Variants in ZZEF1 observed in about 807,000 individuals in gnomAD.
ZZEF1 encodes zinc finger ZZ-type and EF-hand domain-containing protein 1.
A neutral mutation model predicts 342.8 loss-of-function variants in ZZEF1; 157 were observed. That is an observed-to-expected ratio of 0.46 (90% CI 0.40 to 0.52). The LOEUF is 0.52. ZZEF1 is among the 20% of genes least tolerant of loss of function. ZZEF1 has a pLI of 0.00. For missense variants in ZZEF1, 3,480 were observed against 3,725.6 expected (o/e 0.93, Z 1.72); for synonymous variants, 1,505 against 1,429.1 (o/e 1.05, Z -1.20).
intron 45 of ZZEF1, 66 bp from the exon 46 acceptor site, chr17:4,019,835 G>T (rs2290438): frequency 0.18 from 216,799 of 1,229,688 alleles, 20,284 homozygotes; most frequent in Middle Eastern, 0.21. Flanking sequence ...TTGATCAACT[G>T]AACTCAAAAC....
chr17:4,078,112 T>C lies in ZZEF1; in HGVS notation c.2830-70A>G, dbSNP rs1275675960. On this transcript the variant is annotated intron_variant, in intron 18 of 54. Coordinates refer to ENST00000381638, the MANE Select transcript of ZZEF1 (RefSeq NM_015113.4). ...TCACAGAGCATAGCCAAGGGCATCCTCTAAAGCAGCAGCTGTCACCAGCAA... is the reference window on the plus strand; with the variant it reads ...TCACAGAGCATAGCCAAGGGCATCCCCTAAAGCAGCAGCTGTCACCAGCAA... The C allele has an allele frequency of 2.0e-6, 3 of 1,491,634 alleles. No individual in the cohort carries two copies. The East Asian group carries it at 6.9e-5, about 35-fold the overall frequency. The allele number at this position is 1,491,634 out of a possible 1,614,324, so 92.4% of individuals were successfully genotyped here.
chr17:4,102,486 T>A, intron 8 of ZZEF1, 71 bp from the exon 9 acceptor site: 1 of 1,344,718 alleles, frequency 7.4e-7, no homozygotes, highest in East Asian at 2.3e-5. Flanking sequence ...TGCCTATCTG[T>A]GGAAATAGAG....
In ZZEF1 at chr17:4,058,161, G is replaced by C; in HGVS notation, c.5004-6C>G. The C allele has an allele frequency of 6.2e-7, 1 of 1,610,224 alleles. No individual in the cohort carries two copies. The highest frequency in any genetic ancestry group is 8.5e-7 in the Non-Finnish European group (1 of 1,178,030). Reference sequence around the variant, plus strand: ...ATAAGGCAGGGAGCAAGGACCTAAAGGGCCATGAAAGTGACCATTAGCAGA... The same window carrying C: ...ATAAGGCAGGGAGCAAGGACCTAAACGGCCATGAAAGTGACCATTAGCAGA... On this transcript the variant is annotated splice_region_variant and splice_polypyrimidine_tract_variant and intron_variant, in intron 31 of 54. Coordinates refer to ENST00000381638, the MANE Select transcript of ZZEF1 (RefSeq NM_015113.4).
intron 1 of ZZEF1, among the ~76,000 whole-genome samples, chr17:4,138,968 T>C (rs55648338): frequency 6.6e-6 from 1 of 150,944 alleles, no homozygotes. Context: ...CTTTGGTCCA[T>C]GGTCCAACTC....
At position 4,072,621 on chromosome 17, in the gene ZZEF1, C is replaced by T. The variant is rs753880645; in HGVS notation, c.3821G>A (p.Arg1274Gln). 12 of 1,611,406 alleles carry T rather than the reference C, an allele frequency of 7.4e-6. No individual in the cohort carries two copies. Among genetic ancestry groups the T allele is most frequent in the South Asian group, 1.1e-5 (1 of 90,462 alleles). Reference sequence around the variant, plus strand: ...AAGAGTAAATACCTCCTTACTATTCCGGTGTGGGTGAGTGGGCCAGCTTGC... The same window carrying T: ...AAGAGTAAATACCTCCTTACTATTCTGGTGTGGGTGAGTGGGCCAGCTTGC... ...LEASWPTHPH[R>Q]NSKEVKNIPD... Residue 1274 changes from arginine (R) to glutamine (Q), a missense_variant, in exon 25 of 55, where the codon CGG (arginine) becomes CAG (glutamine). By Grantham distance (43) the Arg-to-Gln change is conservative (BLOSUM62 1). Around this residue, in one of 5 missense-constraint regions of ZZEF1, gnomAD observed 1,528 missense variants for 1,624.1 expected, o/e 0.94. Coordinates refer to ENST00000381638, the MANE Select transcript of ZZEF1 (RefSeq NM_015113.4).
chr17:4,026,980 A>G (rs2459497), intron 42 of ZZEF1, among the ~76,000 whole-genome samples: 12,843 of 152,222 alleles, frequency 0.084, 1,809 homozygotes, highest in African/African-American at 0.29. Flanking sequence ...AATAATGTTC[A>G]GCGCAGTTTT....
At chr17:4,084,596 G>C (rs531402259) in intron 16 of ZZEF1, among the ~76,000 whole-genome samples, 1 of 152,292 alleles carries the variant, frequency 6.6e-6, no homozygotes, top group South Asian at 2.1e-4. Flanking sequence ...ATATGGCCTA[G>C]AGAGAAAAAG....
intron 21 of ZZEF1, among the ~76,000 whole-genome samples, chr17:4,075,789 T>C (rs2057600911): frequency 6.7e-6 from 1 of 149,508 alleles, no homozygotes; most frequent in African/African-American, 2.5e-5. Context: ...CAAATCTGGA[T>C]CTACTCTCCC....
At chr17:4,007,051 C>A in intron 54 of ZZEF1, 81 bp from the exon 55 acceptor site, 1 of 1,289,954 alleles carries the variant, frequency 7.8e-7, no homozygotes. Context: ...CTCAGCTGAG[C>A]ACTGAGGATG....
At position 4,044,338 on chromosome 17, in the gene ZZEF1, C is replaced by T; in HGVS notation, c.6052G>A (p.Asp2018Asn). The change falls in exon 38 of 55, where the codon GAT becomes AAT. Residue 2018 changes from aspartate to asparagine, a missense_variant. Coordinates refer to ENST00000381638, the MANE Select transcript of ZZEF1 (RefSeq NM_015113.4). ...RAVHEEIRPV[D>N]FKQRNKADKG... ...TCTGCCTTATTTCTCTGCTTGAAATCTACAGGTCTGATTTCCTCATGAACA... is the reference window on the plus strand; with the variant it reads ...TCTGCCTTATTTCTCTGCTTGAAATTTACAGGTCTGATTTCCTCATGAACA... The T allele has an allele frequency of 1.9e-6, 3 of 1,614,010 alleles. No individual in the cohort carries two copies. In the South Asian group the frequency reaches 3.3e-5, roughly 18 times the overall value.
chr17:4,035,751 C>T (rs186447811), intron 39 of ZZEF1, among the ~76,000 whole-genome samples: 5 of 152,286 alleles, frequency 3.3e-5, no homozygotes, highest in Admixed American at 2.0e-4. Context: ...CAGCCTGTTG[C>T]GGGTGAGGGT....
intron 26 of ZZEF1, among the ~76,000 whole-genome samples, chr17:4,068,697 T>A (rs1232128012): frequency 6.6e-6 from 1 of 152,126 alleles, no homozygotes; most frequent in Non-Finnish European, 1.5e-5. Context: ...TGCATCTATG[T>A]TACAATGCAG....
At chr17:4,110,569 C>T (rs867452248) in intron 5 of ZZEF1, among the ~76,000 whole-genome samples, 4 of 152,264 alleles carry the variant, frequency 2.6e-5, no homozygotes, top group African/African-American at 9.6e-5. Flanking sequence ...AGCATTCCGG[C>T]TCCCTGAACG....
At chr17:4,137,374 G>A (rs1459517711) in intron 1 of ZZEF1, among the ~76,000 whole-genome samples, 1 of 152,180 alleles carries the variant, frequency 6.6e-6, no homozygotes, top group Non-Finnish European at 1.5e-5. Flanking sequence ...ACTTTGGGAG[G>A]CCGAGGTGGG....
Position 4,123,592 on chromosome 17 carries a change from T to C in ZZEF1, c.499+315A>G, listed in dbSNP as rs561411359. 2.6e-5 allele frequency among the ~76,000 whole-genome samples: 4 copies of C among 152,078 alleles called. No homozygotes were observed. The East Asian group carries it at 7.7e-4, about 29-fold the overall frequency. On this transcript the variant is annotated intron_variant, in intron 2 of 54. Coordinates refer to ENST00000381638, the MANE Select transcript of ZZEF1 (RefSeq NM_015113.4). Reference sequence around the variant, plus strand: ...GAATTGATCAATTACAATGGTAATATGTTGCAAAAAAGAATGCAGGATGCT... The same window carrying C: ...GAATTGATCAATTACAATGGTAATACGTTGCAAAAAAGAATGCAGGATGCT...
At chr17:4,018,723 C>G (rs1385755127) in intron 46 of ZZEF1, among the ~76,000 whole-genome samples, 16 of 152,130 alleles carry the variant, frequency 1.1e-4, no homozygotes. Context: ...CCACAGTCAC[C>G]CAGCTAGAGA....
intron 13 of ZZEF1, 55 bp from the exon 14 acceptor site, chr17:4,087,589 T>A (rs1445973093): frequency 6.3e-6 from 9 of 1,436,782 alleles, no homozygotes; most frequent in Non-Finnish European, 8.6e-6. Context: ...TTTAGAGAAA[T>A]ACTGTAATGC....
intron 52 of ZZEF1, among the ~76,000 whole-genome samples, chr17:4,010,734 AAG>A (rs2055928225): frequency 6.8e-6 from 1 of 148,060 alleles, no homozygotes; most frequent in Non-Finnish European, 1.5e-5. Flanking sequence ...CAAAAAAAAA[AAG>A]AAAAAGAAAA....
chr17:4,064,114 C>T (rs2057342261), intron 29 of ZZEF1, among the ~76,000 whole-genome samples: 1 of 151,566 alleles, frequency 6.6e-6, no homozygotes, highest in Admixed American at 6.6e-5. Flanking sequence ...TTCCTGATCC[C>T]AAGTGATCCT....
Sources: gnomAD v4.1 joint callset for allele counts (sites outside exome capture counted in the v4.1 genomes callset) on GRCh38, gnomAD v4.1.1 for gene constraint, gnomAD v4.1.1 regional missense constraint, MANE v1.5 for transcripts, NCBI Gene and HGNC (gene_info 2026-07-23, HGNC 2026-07-21) for gene names.